Variants in DSCAML1 observed in about 807,000 individuals in gnomAD.
DSCAML1 encodes the protein cell adhesion molecule DSCAML1.
DSCAML1 carries 38 observed loss-of-function variants against 200.5 expected under a neutral mutation model. That is an observed-to-expected ratio of 0.19 (90% CI 0.15 to 0.25). DSCAML1 has a LOEUF of 0.25. Ranked by LOEUF, DSCAML1 falls within the 10% of genes least tolerant of loss-of-function variation. The pLI, the probability that DSCAML1 is intolerant of heterozygous loss-of-function variation, is 1.00. For synonymous variants in DSCAML1, 1,215 were observed against 1,165.0 expected (o/e 1.04, Z -0.87); for missense variants, 2,223 against 2,858.8 (o/e 0.78, Z 5.07).
At chr11:117,435,535 C>T in intron 27 of DSCAML1, 109 bp downstream of exon 27, 2 of 1,307,508 alleles carry the variant, frequency 1.5e-6, no homozygotes, top group South Asian at 1.7e-5. Context: ...TTCAAGGGGA[C>T]ACAGGCACTC....
intron 3 of DSCAML1, among the ~76,000 whole-genome samples, chr11:117,665,610 C>T (rs2052959734): frequency 6.6e-6 from 1 of 152,164 alleles, no homozygotes; most frequent in Admixed American, 6.5e-5. Context: ...ATCTCTGCAG[C>T]CAGGTATTGT....
intron 3 of DSCAML1, among the ~76,000 whole-genome samples, chr11:117,649,297 C>T (rs1286717891): frequency 1.3e-5 from 2 of 152,086 alleles, no homozygotes; most frequent in African/African-American, 2.4e-5. Context: ...AGGCTGGTCT[C>T]GAACTCCTGA....
intron 8 of DSCAML1, among the ~76,000 whole-genome samples, chr11:117,515,286 C>A (rs922190656): frequency 6.6e-6 from 1 of 152,176 alleles, no homozygotes; most frequent in African/African-American, 2.4e-5. Flanking sequence ...CCCCTGTAGC[C>A]TGGTTTTCAC....
intron 6 of DSCAML1, 138 bp downstream of exon 6, chr11:117,520,992 G>A: frequency 8.5e-7 from 1 of 1,172,094 alleles, no homozygotes; most frequent in South Asian, 1.5e-5. Flanking sequence ...AGGGCCCTTA[G>A]GGTGAGATGG....
chr11:117,466,598 G>A (rs2048584978), intron 16 of DSCAML1, among the ~76,000 whole-genome samples: 1 of 152,164 alleles, frequency 6.6e-6, no homozygotes, highest in South Asian at 2.1e-4. Context: ...CTACTCAGGA[G>A]GCTGAGGCAG....
At chr11:117,443,184 G>C (rs2048103966) in intron 21 of DSCAML1, among the ~76,000 whole-genome samples, 1 of 152,222 alleles carries the variant, frequency 6.6e-6, no homozygotes, top group African/African-American at 2.4e-5. Context: ...TCCTGGGCTA[G>C]TTGTGGCCAG....
intron 28 of DSCAML1, 28 bp downstream of exon 28, chr11:117,433,413 A>G (rs1428411270): frequency 6.2e-7 from 1 of 1,612,982 alleles, no homozygotes; most frequent in South Asian, 1.1e-5. Flanking sequence ...AGAAGGGAGG[A>G]GAAAGGAAGC....
At chr11:117,742,575 G>A (rs1194489973) in intron 3 of DSCAML1, among the ~76,000 whole-genome samples, 1 of 152,234 alleles carries the variant, frequency 6.6e-6, no homozygotes, top group East Asian at 1.9e-4. Context: ...CATGCCCAGG[G>A]CAGAGACAAA....
chr11:117,670,227 A>C (rs2053075895), intron 3 of DSCAML1, among the ~76,000 whole-genome samples: 1 of 152,136 alleles, frequency 6.6e-6, no homozygotes, highest in Non-Finnish European at 1.5e-5. Flanking sequence ...GGTGGCTGGA[A>C]AGGGAGGGAG....
At chr11:117,671,958 G>A (rs574975555) in intron 3 of DSCAML1, among the ~76,000 whole-genome samples, 72 of 151,934 alleles carry the variant, frequency 4.7e-4, no homozygotes, top group African/African-American at 1.6e-3. Context: ...AAAATTAGCC[G>A]GGCGCGGTGG....
chr11:117,440,364 G>A (rs908522137), intron 21 of DSCAML1, among the ~76,000 whole-genome samples: 2 of 152,194 alleles, frequency 1.3e-5, no homozygotes, highest in African/African-American at 2.4e-5. Context: ...AATAGCATCT[G>A]GAATTGGAAG....
chr11:117,565,388 C>T (rs1188136140), intron 3 of DSCAML1, among the ~76,000 whole-genome samples: 1 of 152,212 alleles, frequency 6.6e-6, no homozygotes, highest in Non-Finnish European at 1.5e-5. Context: ...TCCAGTGACC[C>T]TATTGATCTA....
Position 117,512,643 on chromosome 11 carries a change from T to TGTACACACACACACAC in DSCAML1, c.1783+3823_1783+3824insGTGTGTGTGTGTGTAC, listed in dbSNP as rs1555179270. Among the ~76,000 whole-genome samples, 4 of 125,138 alleles carry TGTACACACACACACAC rather than the reference T, an allele frequency of 3.2e-5. No individual in the cohort carries two copies. In the South Asian group the frequency reaches 8.5e-4, roughly 27 times the overall value. The allele number at this position is 125,138 out of a possible 152,430, so 82.1% of individuals were successfully genotyped here. A position where few individuals can be genotyped will look rare whatever the true frequency, so the allele number is the denominator to read the frequency against. On this transcript the variant is annotated intron_variant, in intron 8 of 32. Coordinates refer to ENST00000651296, the MANE Select transcript of DSCAML1 (RefSeq NM_020693.4). ...GGGAAGGTGTGCATGCAAGCGTGTGTACACACACACACACACACACACACA... is the reference window on the plus strand; with the variant it reads ...GGGAAGGTGTGCATGCAAGCGTGTGTGTACACACACACACACACACACACACACACACACACACACA...
At chr11:117,798,869 T>C (rs766061247), upstream of DSCAML1, among the ~76,000 whole-genome samples, 2 of 152,140 alleles carry the variant, frequency 1.3e-5, no homozygotes, top group African/African-American at 2.4e-5. Flanking sequence ...CAGAGCTTGC[T>C]CTATAAGCTG....
In DSCAML1 at chr11:117,480,614, A is replaced by G. The variant is rs2048895249; in HGVS notation, c.2657-43T>C. On this transcript the variant is annotated intron_variant, in intron 13 of 32. Coordinates refer to ENST00000651296, the MANE Select transcript of DSCAML1 (RefSeq NM_020693.4). This position sits in a 1 kb window ranked among gnomAD's most constrained non-coding sequence, Gnocchi z 4.1. ...AGGGGAGGGAAGTGAGGAGGGCAGCAGGGAGCTTGGCCTCCTGCTTGGCCC... is the reference window on the plus strand; with the variant it reads ...AGGGGAGGGAAGTGAGGAGGGCAGCGGGGAGCTTGGCCTCCTGCTTGGCCC... 2 of 1,547,660 alleles carry G rather than the reference A, an allele frequency of 1.3e-6. No individual in the cohort carries two copies. The highest frequency in any genetic ancestry group is 2.4e-5 in the South Asian group (2 of 83,970).
Position 117,504,443 on chromosome 11 carries a change from G to C in DSCAML1, c.2183-422C>G, listed in dbSNP as rs1040524340. The stretch of plus-strand genomic sequence containing the variant: ...CAGCATCCTCCAAGGGGGCCTTGTG[G>C]GCACCCCCTGTCCCTCCATTCCCCA... On this transcript the variant is annotated intron_variant, in intron 10 of 32. Transcript: ENST00000651296. This position sits in a 1 kb window ranked among gnomAD's most constrained non-coding sequence, Gnocchi z 5.0. 1.2e-4 allele frequency among the ~76,000 whole-genome samples: 19 copies of C among 152,184 alleles called. No homozygotes were observed. Among genetic ancestry groups the C allele is most frequent in the Non-Finnish European group, 1.3e-4 (9 of 68,030 alleles).
At chr11:117,778,490 C>A (rs2055172957) in intron 2 of DSCAML1, among the ~76,000 whole-genome samples, 1 of 152,212 alleles carries the variant, frequency 6.6e-6, no homozygotes, top group African/African-American at 2.4e-5. Context: ...GGTTGGTTAA[C>A]CTTCTGGAGC....
At chr11:117,530,386 T>C (rs978655256) in intron 4 of DSCAML1, among the ~76,000 whole-genome samples, 3 of 152,064 alleles carry the variant, frequency 2.0e-5, no homozygotes, top group Non-Finnish European at 4.4e-5. Flanking sequence ...AGGATAAGCA[T>C]GCAAATGAGA....
At chr11:117,509,605 G>A (rs1018830586) in intron 8 of DSCAML1, among the ~76,000 whole-genome samples, 3 of 152,192 alleles carry the variant, frequency 2.0e-5, no homozygotes, top group African/African-American at 7.2e-5. Context: ...GAGAGCCCAG[G>A]GATCATGGCT....
Sources: allele counts gnomAD v4.1 joint callset (sites outside exome capture counted in the v4.1 genomes callset), GRCh38; gene constraint gnomAD v4.1.1; non-coding constraint Gnocchi (gnomAD v3.1); transcripts MANE v1.5; gene names NCBI Gene and HGNC (gene_info 2026-07-23, HGNC 2026-07-21).